SERPINE2: variants seen among roughly 807,000 people sequenced by gnomAD.
The protein encoded by SERPINE2 is glia-derived nexin.
SERPINE2 carries 14 observed loss-of-function variants against 36.3 expected under a neutral mutation model. The observed-to-expected ratio is 0.39, with a 90% CI of 0.25 to 0.60. SERPINE2 has a LOEUF of 0.60. SERPINE2 is among the 20% of genes least tolerant of loss of function. SERPINE2 has a pLI of 0.57. For synonymous variants in SERPINE2, 192 were observed against 191.8 expected (o/e 1.00, Z -0.01); for missense variants, 418 against 499.6 (o/e 0.84, Z 1.56).
In SERPINE2 at chr2:223,984,771, C is replaced by A; in HGVS notation, c.865G>T (p.Val289Leu). The A allele has an allele frequency of 1.2e-6, 2 of 1,612,812 alleles. No homozygotes were observed. Among genetic ancestry groups the A allele is most frequent in the Non-Finnish European group, 8.5e-7 (1 of 1,179,864 alleles). Residue 289 changes from valine to leucine, a missense_variant, in exon 5 of 9, where the codon GTG (valine) becomes TTG (leucine). Physicochemically the swap from Val to Leu is conservative, Grantham distance 32. Coordinates refer to ENST00000409304, the MANE Select transcript of SERPINE2 (RefSeq NM_001136528.2). ...SWMSIMVPKR[V>L]QVILPKFTAV... ...ACTTACTTGGGCAGGATCACCTGCA[C>A]CCTCTTGGGCACCATGATGCTCATC...
chr2:223,976,457 T>C (rs979428814), intron 8 of SERPINE2, among the ~76,000 whole-genome samples: 2 of 152,066 alleles, frequency 1.3e-5, no homozygotes, highest in African/African-American at 4.8e-5. Context: ...CAACCAGAAA[T>C]TGAATTTTTA....
intron 1 of SERPINE2, among the ~76,000 whole-genome samples, chr2:224,010,616 T>C (rs2106178776): frequency 6.6e-6 from 1 of 152,298 alleles, no homozygotes; most frequent in Admixed American, 6.5e-5. Flanking sequence ...CAAATTCCAA[T>C]CCTACTACCC....
At chr2:224,007,549 A>G (rs1243724912) in intron 1 of SERPINE2, among the ~76,000 whole-genome samples, 1 of 152,132 alleles carries the variant, frequency 6.6e-6, no homozygotes, top group Non-Finnish European at 1.5e-5. Flanking sequence ...CAACATATAG[A>G]CTCAGCCTAA....
At chr2:224,033,002 A>G (rs1484488591) in intron 1 of SERPINE2, among the ~76,000 whole-genome samples, 1 of 152,218 alleles carries the variant, frequency 6.6e-6, no homozygotes, top group African/African-American at 2.4e-5. Flanking sequence ...GGTATTTCTC[A>G]AAAGAGAAAT....
chr2:224,033,366 G>T lies in SERPINE2; in HGVS notation c.-23+5733C>A, dbSNP rs144671165. Among the ~76,000 whole-genome samples the T allele has an allele frequency of 3.4e-3, 512 of 152,256 alleles. 14 individuals carry two copies. The highest frequency in any genetic ancestry group is 0.027 in the Admixed American group (415 of 15,290). ...AATGATTTTATAGGCTTAAAAAAGTGAGAGACAAGAACTTTAAGGTGTATG... is the reference window on the plus strand; with the variant it reads ...AATGATTTTATAGGCTTAAAAAAGTTAGAGACAAGAACTTTAAGGTGTATG... On this transcript the variant is annotated intron_variant, in intron 1 of 8. Coordinates refer to ENST00000409304, the MANE Select transcript of SERPINE2 (RefSeq NM_001136528.2).
chr2:223,999,626 C>T lies in SERPINE2; in HGVS notation c.260-1284G>A, dbSNP rs530289833. Among the ~76,000 whole-genome samples the T allele has an allele frequency of 1.6e-4, 25 of 152,330 alleles. 1 individual carries two copies. The South Asian group carries it at 5.0e-3, about 30-fold the overall frequency. On this transcript the variant is annotated intron_variant, in intron 2 of 8. Transcript: ENST00000409304. ...ATTCTACAAGTAAGAAAACGGCCGG[C>T]TTTGGAGGCTGAAAGACAATTCCAA...
intron 4 of SERPINE2, among the ~76,000 whole-genome samples, chr2:223,988,539 C>G (rs778622326): frequency 2.6e-5 from 4 of 152,086 alleles, no homozygotes; most frequent in Non-Finnish European, 5.9e-5. Flanking sequence ...TGTGAACAGA[C>G]AGGTATGAGT....
intron 4 of SERPINE2, among the ~76,000 whole-genome samples, chr2:223,987,106 C>T (rs1049594193): frequency 3.3e-5 from 5 of 152,088 alleles, no homozygotes; most frequent in African/African-American, 4.8e-5. Context: ...GAGACTTTGG[C>T]AAGTTCCTTG....
intron 1 of SERPINE2, among the ~76,000 whole-genome samples, chr2:224,022,224 C>T (rs1692027320): frequency 1.4e-5 from 2 of 147,560 alleles, no homozygotes; most frequent in African/African-American, 5.0e-5. Context: ...ACCAGCTACT[C>T]ATGAGGCTGA....
chr2:224,031,119 A>G, intron 1 of SERPINE2: 1 of 985,378 alleles, frequency 1.0e-6, no homozygotes, highest in Non-Finnish European at 1.2e-6. Context: ...CATTGATGGG[A>G]TGTAAATCTT....
At chr2:224,012,630 C>T (rs1691669494) in intron 1 of SERPINE2, among the ~76,000 whole-genome samples, 1 of 151,128 alleles carries the variant, frequency 6.6e-6, no homozygotes, top group Non-Finnish European at 1.5e-5. Context: ...TATACACAGG[C>T]ACAAAAAAAG....
chr2:223,991,700 A>G, intron 4 of SERPINE2, 103 bp downstream of exon 4: 1 of 1,216,724 alleles, frequency 8.2e-7, no homozygotes, highest in South Asian at 1.3e-5. Context: ...CCAGTTTTTT[A>G]AAAGATGAAA....
chr2:223,976,846 C>T (rs1690032252), intron 8 of SERPINE2, among the ~76,000 whole-genome samples: 1 of 152,196 alleles, frequency 6.6e-6, no homozygotes, highest in Non-Finnish European at 1.5e-5. Context: ...TATGGTTTGG[C>T]TCTGTGTCTC....
At chr2:224,023,482 G>T (rs559111350) in intron 1 of SERPINE2, among the ~76,000 whole-genome samples, 1 of 152,206 alleles carries the variant, frequency 6.6e-6, no homozygotes, top group South Asian at 2.1e-4. Context: ...GGGAAGCCAG[G>T]AAAGTGCTGA....
intron 2 of SERPINE2, among the ~76,000 whole-genome samples, chr2:224,000,431 G>C (rs1691069289): frequency 6.6e-6 from 1 of 152,112 alleles, no homozygotes; most frequent in African/African-American, 2.4e-5. Flanking sequence ...TTTAAGAAAG[G>C]TTTTTCTTTA....
intron 1 of SERPINE2, among the ~76,000 whole-genome samples, chr2:224,015,086 G>T (rs188560329): frequency 5.5e-4 from 83 of 152,188 alleles, no homozygotes; most frequent in Non-Finnish European, 2.5e-4. Context: ...CTGCTAGGTG[G>T]GGGGAGGCCA....
chr2:223,989,432 C>A (rs142722037), intron 4 of SERPINE2, among the ~76,000 whole-genome samples: 1 of 152,146 alleles, frequency 6.6e-6, no homozygotes, highest in Admixed American at 6.5e-5. Flanking sequence ...CACAGCAGCT[C>A]GAGCTGGGCC....
At chr2:223,998,414 T>C in intron 2 of SERPINE2, 72 bp from the exon 3 acceptor site, 1 of 1,232,616 alleles carries the variant, frequency 8.1e-7, no homozygotes, top group Admixed American at 1.8e-5. Context: ...TCTTTTATGT[T>C]GCAGCAAGTA....
intron 1 of SERPINE2, among the ~76,000 whole-genome samples, chr2:224,028,863 C>T (rs1200051122): frequency 6.6e-6 from 1 of 152,184 alleles, no homozygotes; most frequent in Non-Finnish European, 1.5e-5. Context: ...GCAGAGAAAA[C>T]ACACGCAGAA....
Sources: gnomAD v4.1 joint callset for allele counts (sites outside exome capture counted in the v4.1 genomes callset) on GRCh38, gnomAD v4.1.1 for gene constraint, MANE v1.5 for transcripts, NCBI Gene and HGNC (gene_info 2026-07-23, HGNC 2026-07-21) for gene names.